VPS53: variants seen among roughly 807,000 people sequenced by gnomAD.
VPS53 encodes the protein VPS53 subunit of GARP complex.
Under a neutral mutation model 107.0 loss-of-function variants are expected in VPS53, and 70 were observed. That is an observed-to-expected ratio of 0.65 (90% CI 0.54 to 0.80). The LOEUF (loss-of-function observed/expected upper bound fraction) is 0.80. Among genes scored for constraint, VPS53 ranks in the 30% least tolerant of loss-of-function variants. The probability of loss-of-function intolerance (pLI) is 0.00; values close to 1 mark genes in which losing one functional copy is unlikely to be tolerated. For synonymous variants in VPS53, 409 were observed against 393.3 expected (o/e 1.04, Z -0.47); for missense variants, 917 against 1,049.4 (o/e 0.87, Z 1.74).
intron 7 of VPS53, among the ~76,000 whole-genome samples, chr17:637,744 C>T (rs150016020): frequency 0.016 from 2,366 of 152,218 alleles, 24 homozygotes; most frequent in Middle Eastern, 0.031. Flanking sequence ...AGTTTCTTAA[C>T]CCTGAGCTCT....
chr17:527,950 T>C (rs1909249770), intron 19 of VPS53, among the ~76,000 whole-genome samples: 1 of 152,206 alleles, frequency 6.6e-6, no homozygotes, highest in African/African-American at 2.4e-5. Context: ...ATCTTTTCTT[T>C]TATGGTTAGT....
chr17:575,891 G>A (rs1914560789), intron 13 of VPS53, among the ~76,000 whole-genome samples: 1 of 143,984 alleles, frequency 6.9e-6, no homozygotes, highest in Non-Finnish European at 1.5e-5. Flanking sequence ...TAATGCATTC[G>A]CAGCGAACCT....
rs550946585 is a variant in VPS53 at position 543,349 on chromosome 17, G to C, written c.1867-6173C>G. On this transcript the variant is annotated intron_variant, in intron 17 of 21. Transcript: ENST00000437048. Reference sequence around the variant, plus strand: ...GGATTATAACGCAGCCTCCTAAATGGGTACATGTTCACAATCCTGAAACCT... The same window carrying C: ...GGATTATAACGCAGCCTCCTAAATGCGTACATGTTCACAATCCTGAAACCT... Among the ~76,000 whole-genome samples, 3 of 152,238 alleles carry C rather than the reference G, an allele frequency of 2.0e-5. No individual in the cohort carries two copies. The East Asian group carries it at 5.8e-4, about 29-fold the overall frequency.
chr17:612,920 GCA>G (rs1006187637), intron 11 of VPS53, among the ~76,000 whole-genome samples: 8 of 149,798 alleles, frequency 5.3e-5, no homozygotes, highest in South Asian at 4.2e-4. Flanking sequence ...GTGAAAACCT[GCA>G]CAGATATTCA....
chr17:597,584 C>A (rs1390582529), intron 12 of VPS53, among the ~76,000 whole-genome samples: 1 of 152,108 alleles, frequency 6.6e-6, no homozygotes, highest in Admixed American at 6.6e-5. Context: ...ACTCTGTCAC[C>A]CAGGCTATAG....
chr17:633,574 G>A (rs958282429), intron 7 of VPS53, among the ~76,000 whole-genome samples: 15 of 152,152 alleles, frequency 9.9e-5, no homozygotes, highest in Non-Finnish European at 1.8e-4. Flanking sequence ...TCCGTGGCGT[G>A]GTTACAATTA....
chr17:625,968 AG>A (rs1969691121), intron 10 of VPS53, among the ~76,000 whole-genome samples: 1 of 152,102 alleles, frequency 6.6e-6, no homozygotes, highest in Non-Finnish European at 1.5e-5. Flanking sequence ...ACACTGTTGT[AG>A]TCTAGCCGCA....
chr17:618,804 G>A (rs1057189929), intron 11 of VPS53, among the ~76,000 whole-genome samples: 2 of 143,786 alleles, frequency 1.4e-5, no homozygotes, highest in African/African-American at 5.3e-5. Flanking sequence ...CACCAGGCCT[G>A]CTAATATTTC....
intron 11 of VPS53, among the ~76,000 whole-genome samples, chr17:602,486 C>A (rs189073471): frequency 1.9e-3 from 291 of 152,360 alleles, no homozygotes; most frequent in Admixed American, 3.5e-3. Flanking sequence ...CCCATTACAA[C>A]AACCACAACA....
chr17:604,968 A>C (rs906329334), intron 11 of VPS53, among the ~76,000 whole-genome samples: 1 of 152,200 alleles, frequency 6.6e-6, no homozygotes, highest in Non-Finnish European at 1.5e-5. Context: ...GACAGCCTTC[A>C]ATCCAACAGT....
At chr17:707,867 A>C (rs1973478801) in intron 2 of VPS53, among the ~76,000 whole-genome samples, 1 of 151,606 alleles carries the variant, frequency 6.6e-6, no homozygotes, top group Middle Eastern at 3.2e-3. Flanking sequence ...AAAAGGAAGA[A>C]AGAAAAAAAG....
intron 17 of VPS53, among the ~76,000 whole-genome samples, chr17:546,081 G>T (rs1303079305): frequency 6.6e-6 from 1 of 152,110 alleles, no homozygotes; most frequent in Non-Finnish European, 1.5e-5. Context: ...TTTTACGAGG[G>T]TATCAAGATC....
At chr17:590,124 A>G (rs1967559190) in intron 12 of VPS53, among the ~76,000 whole-genome samples, 1 of 151,932 alleles carries the variant, frequency 6.6e-6, no homozygotes, top group Non-Finnish European at 1.5e-5. Flanking sequence ...TAGGTATTTT[A>G]TTCTCTTTGA....
At chr17:640,485 C>T (rs1385989058) in intron 7 of VPS53, among the ~76,000 whole-genome samples, 2 of 152,118 alleles carry the variant, frequency 1.3e-5, no homozygotes, top group Non-Finnish European at 2.9e-5. Flanking sequence ...CCGTCTTCTG[C>T]GTCGTTCAAG....
At chr17:618,381 GC>G (rs1969262679) in intron 11 of VPS53, among the ~76,000 whole-genome samples, 1 of 115,640 alleles carries the variant, frequency 8.6e-6, no homozygotes, top group Non-Finnish European at 2.0e-5. Context: ...TTCCCGGGTA[GC>G]TGGGACTACA....
intron 4 of VPS53, among the ~76,000 whole-genome samples, chr17:668,189 C>G (rs1971777037): frequency 6.6e-6 from 1 of 152,072 alleles, no homozygotes; most frequent in African/African-American, 2.4e-5. Context: ...ATTTGGTTTA[C>G]CGGGGACACG....
intron 12 of VPS53, among the ~76,000 whole-genome samples, chr17:599,780 AAC>A (rs1330294280): frequency 0.019 from 2,416 of 124,170 alleles, 34 homozygotes; most frequent in East Asian, 0.038. Flanking sequence ...AAAAAACAAA[AAC>A]AAAATGACTT....
chr17:672,175 A>ACCTCTCTCTCTC (rs1971987159), intron 4 of VPS53, among the ~76,000 whole-genome samples: 1 of 107,068 alleles, frequency 9.3e-6, no homozygotes, highest in African/African-American at 3.4e-5. Flanking sequence ...CACAATCTCA[A>ACCTCTCTCTCTC]TCTCTCTCTC....
At chr17:667,239 G>A (rs1243019000) in intron 4 of VPS53, among the ~76,000 whole-genome samples, 2 of 151,950 alleles carry the variant, frequency 1.3e-5, no homozygotes, top group African/African-American at 2.4e-5. Context: ...AGACCATATG[G>A]TCAGTAAAGG....
Sources: gnomAD v4.1 joint callset for allele counts (sites outside exome capture counted in the v4.1 genomes callset) on GRCh38, gnomAD v4.1.1 for gene constraint, MANE v1.5 for transcripts, NCBI Gene and HGNC (gene_info 2026-07-23, HGNC 2026-07-21) for gene names.